ARK2N: variants seen among roughly 807,000 people sequenced by gnomAD.
ARK2N encodes arkadia (RNF111) N-terminal like PKA signaling regulator 2N.
At chr18:46,238,747 G>A in the ARK2N span, among the ~76,000 whole-genome samples, 3 of 152,128 alleles carry the variant, frequency 2.0e-5, no homozygotes, top group Non-Finnish European at 2.9e-5. Flanking sequence ...TGGTAGTTTA[G>A]TTTTAAGGGA....
chr18:46,205,706 G>T, the ARK2N span, among the ~76,000 whole-genome samples: 1 of 152,088 alleles, frequency 6.6e-6, no homozygotes, highest in East Asian at 1.9e-4. Context: ...TTTGAGACCT[G>T]TGGGTTGTTT....
At chr18:46,251,219 T>C in the ARK2N span, among the ~76,000 whole-genome samples, 1 of 152,162 alleles carries the variant, frequency 6.6e-6, no homozygotes, top group Non-Finnish European at 1.5e-5. Context: ...AGCAGTACAG[T>C]TGGAACAGTG....
the ARK2N span, among the ~76,000 whole-genome samples, chr18:46,184,610 T>C: frequency 6.6e-6 from 1 of 152,176 alleles, no homozygotes; most frequent in Non-Finnish European, 1.5e-5. Flanking sequence ...TAGTCCCAGC[T>C]ACTCAGGAAG....
chr18:46,261,453 A>G, the ARK2N span, among the ~76,000 whole-genome samples: 3 of 152,238 alleles, frequency 2.0e-5, no homozygotes, highest in East Asian at 5.8e-4. Flanking sequence ...ACTGCTTAGT[A>G]AAGGTAGTGT....
chr18:46,211,199 G>A, the ARK2N span, among the ~76,000 whole-genome samples: 2,941 of 151,962 alleles, frequency 0.019, 74 homozygotes, highest in African/African-American at 0.06. Flanking sequence ...TGTTCCACTG[G>A]TTTTTTTTAC....
At chr18:46,264,488 A>G in the ARK2N span, 1 of 152,556 alleles carries the variant, frequency 6.6e-6, no homozygotes, top group Non-Finnish European at 1.5e-5. Flanking sequence ...TACCGTTGCT[A>G]TGGCCCTTTG....
At chr18:46,175,112 A>ACCCCCCCCCCCCCCCCCCCCCTCCC in the ARK2N span, among the ~76,000 whole-genome samples, 2 of 133,414 alleles carry the variant, frequency 1.5e-5, no homozygotes, top group Non-Finnish European at 1.6e-5. Context: ...AAAATTGTCC[A>ACCCCCCCCCCCCCCCCCCCCCTCCC]CCCCCCCGCC....
the ARK2N span, among the ~76,000 whole-genome samples, chr18:46,200,442 G>A: frequency 6.6e-6 from 1 of 152,064 alleles, no homozygotes; most frequent in Non-Finnish European, 1.5e-5. Flanking sequence ...TCAGTAGCTG[G>A]GATTACAGGC....
the ARK2N span, among the ~76,000 whole-genome samples, chr18:46,260,699 C>T: frequency 7.2e-5 from 11 of 152,278 alleles, no homozygotes; most frequent in Admixed American, 3.3e-4. Flanking sequence ...TCTTCTTTGC[C>T]GCTTATTGAA....
At chr18:46,208,962 T>C in the ARK2N span, among the ~76,000 whole-genome samples, 1 of 152,064 alleles carries the variant, frequency 6.6e-6, no homozygotes. Context: ...TACCAAAGGG[T>C]TATTCTAATT....
the ARK2N span, among the ~76,000 whole-genome samples, chr18:46,225,190 G>A: frequency 0.019 from 2,947 of 152,324 alleles, 74 homozygotes; most frequent in African/African-American, 0.06. Flanking sequence ...AATTTTCCCT[G>A]TCACCCCATC....
At chr18:46,197,773 C>T in the ARK2N span, among the ~76,000 whole-genome samples, 1 of 152,130 alleles carries the variant, frequency 6.6e-6, no homozygotes, top group Non-Finnish European at 1.5e-5. Flanking sequence ...ACACTGGAGT[C>T]ACTGATATAA....
chr18:46,192,388 A>G, the ARK2N span, among the ~76,000 whole-genome samples: 1 of 151,958 alleles, frequency 6.6e-6, no homozygotes, highest in African/African-American at 2.4e-5. Flanking sequence ...CCTGGCCAAT[A>G]TGGTGAAACC....
the ARK2N span, among the ~76,000 whole-genome samples, chr18:46,257,734 A>G: frequency 3.9e-5 from 6 of 152,080 alleles, no homozygotes; most frequent in Admixed American, 2.0e-4. Context: ...TGCTCTAGGA[A>G]GAGGAATACA....
chr18:46,250,236 T>C, the ARK2N span, among the ~76,000 whole-genome samples: 1 of 152,030 alleles, frequency 6.6e-6, no homozygotes, highest in Admixed American at 6.6e-5. Context: ...CTGGCACCTG[T>C]CTTAGTCTGT....
chr18:46,181,699 A>T, the ARK2N span, among the ~76,000 whole-genome samples: 1 of 152,254 alleles, frequency 6.6e-6, no homozygotes, highest in East Asian at 1.9e-4. Context: ...TGGGCGACAG[A>T]GCGAGACTCC....
the ARK2N span, among the ~76,000 whole-genome samples, chr18:46,198,310 CAAAAAAAAAAAAAA>C: frequency 0.011 from 727 of 69,208 alleles, 21 homozygotes; most frequent in African/African-American, 0.038. Flanking sequence ...ACTCCATCTC[CAAAAAAAAAAAAAA>C]AAAAAAAAAG....
the ARK2N span, chr18:46,216,855 A>G: frequency 7.4e-6 from 3 of 402,688 alleles, no homozygotes; most frequent in East Asian, 1.4e-4. This position sits in a 1 kb window ranked among gnomAD's most constrained non-coding sequence, Gnocchi z 4.3. Flanking sequence ...GGAATTTCTC[A>G]TAAGTCTGTC....
At chr18:46,247,103 A>AAT in the ARK2N span, among the ~76,000 whole-genome samples, 1 of 152,204 alleles carries the variant, frequency 6.6e-6, no homozygotes. Context: ...ATGTGGAAGG[A>AAT]ATATTACTAG....
Sources: gnomAD v4.1 joint callset for allele counts (sites outside exome capture counted in the v4.1 genomes callset) on GRCh38, gnomAD v4.1.1 for gene constraint, Gnocchi (gnomAD v3.1) non-coding constraint, MANE v1.5 for transcripts, NCBI Gene and HGNC (gene_info 2026-07-23, HGNC 2026-07-21) for gene names.